The following SERPINB2 variants were observed in gnomAD, a reference collection of about 807,000 sequenced individuals.
SERPINB2 encodes the protein serpin family B member 2, also known as plasminogen activator inhibitor 2.
SERPINB2 carries 28 observed loss-of-function variants against 39.4 expected under a neutral mutation model. That is an observed-to-expected ratio of 0.71 (90% CI 0.53 to 0.97). The LOEUF (loss-of-function observed/expected upper bound fraction) is 0.97, where lower values mean the gene tolerates loss of function less well. Among genes scored for constraint, SERPINB2 ranks in the 50% least tolerant of loss-of-function variants. The probability of loss-of-function intolerance (pLI) is 0.00; values close to 1 mark genes in which losing one functional copy is unlikely to be tolerated. For missense variants in SERPINB2, 557 were observed against 505.3 expected (o/e 1.10, Z -0.98); for synonymous variants, 209 against 175.1 (o/e 1.19, Z -1.53).
At position 63,903,545 on chromosome 18, in the gene SERPINB2, C is replaced by G; in HGVS notation, c.*240C>G. On this transcript the variant is annotated 3_prime_UTR_variant, in exon 8 of 8. Coordinates refer to ENST00000299502, the MANE Select transcript of SERPINB2 (RefSeq NM_002575.3). Reference sequence around the variant, plus strand: ...ATCATGCCCATTTAGATTTTCCTTACTATCAGTTTATTTTTATAACATTAA... The same window carrying G: ...ATCATGCCCATTTAGATTTTCCTTAGTATCAGTTTATTTTTATAACATTAA... 1 of 301,360 alleles carries G rather than the reference C, an allele frequency of 3.3e-6. No individual in the cohort carries two copies. The highest frequency in any genetic ancestry group is 5.6e-5 in the East Asian group (1 of 17,810). 18.7% of individuals were successfully genotyped at this position (301,360 alleles called of 1,614,324 possible). A position where few individuals can be genotyped will look rare whatever the true frequency, so the allele number is the denominator to read the frequency against.
chr18:63,897,510 A>G (rs1409581136), intron 4 of SERPINB2, among the ~76,000 whole-genome samples: 3 of 152,140 alleles, frequency 2.0e-5, no homozygotes, highest in Admixed American at 6.5e-5. Flanking sequence ...TGTCTCTATA[A>G]TGCAAGGAGT....
chr18:63,891,749 C>G, intron 2 of SERPINB2, 137 bp downstream of exon 2: 2 of 853,482 alleles, frequency 2.3e-6, no homozygotes, highest in Non-Finnish European at 1.7e-6. Flanking sequence ...CTGATCCTTA[C>G]AACACAAATT....
At chr18:63,901,475 A>C (rs1473733268) in intron 5 of SERPINB2, among the ~76,000 whole-genome samples, 2 of 152,184 alleles carry the variant, frequency 1.3e-5, no homozygotes, top group Non-Finnish European at 2.9e-5. Flanking sequence ...AAAGAATATA[A>C]AAGGGAGTGA....
At chr18:63,893,667 A>C (rs906654923) in intron 2 of SERPINB2, among the ~76,000 whole-genome samples, 1 of 152,228 alleles carries the variant, frequency 6.6e-6, no homozygotes, top group African/African-American at 2.4e-5. Flanking sequence ...CAGTTTTCTC[A>C]TCTACAAAAT....
Position 63,891,419 on chromosome 18 carries a change from C to T in SERPINB2, c.-9-17C>T, listed in dbSNP as rs1303297315. Reference sequence around the variant, plus strand: ...TATGTTTCAGAGCTGTTTTTTTCTTCCTCTCTTTGCTTCTAGATTGAAACA... The same window carrying T: ...TATGTTTCAGAGCTGTTTTTTTCTTTCTCTCTTTGCTTCTAGATTGAAACA... On this transcript the variant is annotated splice_polypyrimidine_tract_variant and intron_variant, in intron 1 of 7. Coordinates refer to ENST00000299502, the MANE Select transcript of SERPINB2 (RefSeq NM_002575.3). 1.9e-6 allele frequency: 3 copies of T among 1,608,976 alleles called. No individual in the cohort carries two copies. The highest frequency in any genetic ancestry group is 3.4e-5 in the Admixed American group (2 of 58,946).
At position 63,902,412 on chromosome 18, in the gene SERPINB2, C is replaced by A; in HGVS notation, c.687C>A (p.Arg229=). The A allele has an allele frequency of 6.3e-7, 1 of 1,598,194 alleles. No homozygotes were observed. Among genetic ancestry groups the A allele is most frequent in the Non-Finnish European group, 8.5e-7 (1 of 1,172,162 alleles). The change falls in exon 7 of 8, where the codon CGC becomes CGA. Residue 229 remains arginine, a synonymous_variant. Coordinates refer to ENST00000299502, the MANE Select transcript of SERPINB2 (RefSeq NM_002575.3). ...LYPFRVNSAQ[R]TPVQMMYLRE... ...CCTTTTAATAATATTAGGCTCAGCG[C>A]ACACCTGTACAGATGATGTACTTGC...
Position 63,891,512 on chromosome 18 carries a change from G to A in SERPINB2, c.68G>A (p.Ser23Asn). ...LNLFKHLAKA[S>N]PTQNLFLSPW... Reference sequence around the variant, plus strand: ...TTATTCAAGCATCTGGCAAAAGCAAGCCCCACCCAGAACCTCTTCCTCTCC... The same window carrying A: ...TTATTCAAGCATCTGGCAAAAGCAAACCCCACCCAGAACCTCTTCCTCTCC... The change falls in exon 2 of 8, where the codon AGC (serine) becomes AAC (asparagine). Residue 23 changes from serine (S) to asparagine (N), a missense_variant. Physicochemically the swap from Ser to Asn is conservative, Grantham distance 46. Transcript: ENST00000299502. 1 of 1,614,154 alleles carries A rather than the reference G, an allele frequency of 6.2e-7. No individual in the cohort carries two copies. The highest frequency in any genetic ancestry group is 8.5e-7 in the Non-Finnish European group (1 of 1,180,008).
intron 3 of SERPINB2, among the ~76,000 whole-genome samples, 174 bp from the exon 4 acceptor site, chr18:63,896,917 G>T (rs964855554): frequency 2.0e-5 from 3 of 152,178 alleles, no homozygotes; most frequent in African/African-American, 7.2e-5. Context: ...TAGTTTTAAT[G>T]TACCACATCC....
chr18:63,889,672 G>A (rs1375816191), intron 1 of SERPINB2, among the ~76,000 whole-genome samples: 1 of 150,542 alleles, frequency 6.6e-6, no homozygotes, highest in Non-Finnish European at 1.5e-5. Flanking sequence ...TAATTATGAA[G>A]ACAATTTTAA....
chr18:63,895,163 A>G, intron 2 of SERPINB2, 101 bp from the exon 3 acceptor site: 1 of 1,396,574 alleles, frequency 7.2e-7, no homozygotes, highest in African/African-American at 1.4e-5. Context: ...AGGGAAGGGA[A>G]AAGATCTAGG....
At chr18:63,897,302 G>A (rs1047937282) in intron 4 of SERPINB2, 83 bp downstream of exon 4, 4 of 1,490,608 alleles carry the variant, frequency 2.7e-6, no homozygotes, top group Non-Finnish European at 3.6e-6. Flanking sequence ...CAATTCAACA[G>A]TTCATAAAAG....
intron 2 of SERPINB2, among the ~76,000 whole-genome samples, chr18:63,893,433 T>C (rs1002751428): frequency 4.3e-5 from 6 of 139,756 alleles, no homozygotes; most frequent in East Asian, 2.5e-4. Context: ...TTCTATATAG[T>C]CTTTTTTTTT....
chr18:63,893,333 G>T (rs2049938760), intron 2 of SERPINB2, among the ~76,000 whole-genome samples: 1 of 152,174 alleles, frequency 6.6e-6, no homozygotes, highest in Non-Finnish European at 1.5e-5. Context: ...CTTGATTTTG[G>T]TACTAGAGGA....
intron 3 of SERPINB2, among the ~76,000 whole-genome samples, chr18:63,896,167 G>A (rs1001906799): frequency 1.3e-5 from 2 of 152,116 alleles, no homozygotes; most frequent in Non-Finnish European, 2.9e-5. Context: ...CATTGCCCAG[G>A]GAATTATGGG....
intron 2 of SERPINB2, among the ~76,000 whole-genome samples, chr18:63,893,128 C>T (rs1330481995): frequency 2.0e-5 from 3 of 152,122 alleles, no homozygotes; most frequent in African/African-American, 7.2e-5. Context: ...TGGGGTTTCA[C>T]CATTTTGGCC....
At chr18:63,899,793 G>GA (rs2049981377) in intron 5 of SERPINB2, among the ~76,000 whole-genome samples, 1 of 152,238 alleles carries the variant, frequency 6.6e-6, no homozygotes, top group African/African-American at 2.4e-5. Context: ...ATTGTTTCAA[G>GA]AAATAGTTTG....
Position 63,903,249 on chromosome 18 carries a change from A to G in SERPINB2, c.1192A>G (p.Ile398Val). The G allele has an allele frequency of 1.3e-6, 2 of 1,591,444 alleles. No homozygotes were observed. Among genetic ancestry groups the G allele is most frequent in the South Asian group, 1.1e-5 (1 of 87,212 alleles). Reference protein sequence around the residue: ...FVADHPFLFLIMHKITNCILF... With the variant: ...FVADHPFLFLVMHKITNCILF... ...GGCAGATCATCCTTTTCTTTTTCTT[A>G]TTATGCATAAGATAACCAACTGCAT... is the stretch of plus-strand genomic sequence containing the variant. The change falls in exon 8 of 8, where the codon ATT (isoleucine) becomes GTT (valine). Residue 398 changes from isoleucine to valine, a missense_variant. Ile to Val is a conservative substitution (Grantham distance 29, BLOSUM62 3). Transcript: ENST00000299502.
chr18:63,899,908 C>T (rs1249217104), intron 5 of SERPINB2, among the ~76,000 whole-genome samples: 1 of 152,078 alleles, frequency 6.6e-6, no homozygotes, highest in African/African-American at 2.4e-5. Context: ...TAATTGATTT[C>T]CTTTTAGTTC....
intron 5 of SERPINB2, among the ~76,000 whole-genome samples, chr18:63,901,237 C>G (rs2049989169): frequency 6.6e-6 from 1 of 152,126 alleles, no homozygotes; most frequent in South Asian, 2.1e-4. Flanking sequence ...TAGGCTCATC[C>G]AGGATAATTC....
Sources: gnomAD v4.1 joint callset for allele counts (sites outside exome capture counted in the v4.1 genomes callset) on GRCh38, gnomAD v4.1.1 for gene constraint, MANE v1.5 for transcripts, NCBI Gene and HGNC (gene_info 2026-07-23, HGNC 2026-07-21) for gene names.